PLPPR1: variants seen among roughly 807,000 people sequenced by gnomAD.
The protein encoded by PLPPR1 is phospholipid phosphatase related 1.
A neutral mutation model predicts 33.1 loss-of-function variants in PLPPR1; 10 were observed. That is an observed-to-expected ratio of 0.30 (90% CI 0.19 to 0.51). The LOEUF is 0.51. Ranked by LOEUF, PLPPR1 falls within the 20% of genes least tolerant of loss-of-function variation. PLPPR1 has a pLI of 0.97. For missense variants in PLPPR1, 304 were observed against 408.1 expected (o/e 0.74, Z 2.20); for synonymous variants, 151 against 151.0 (o/e 1.00, Z 0.00).
chr9:101,131,902 CTG>C (rs1177754483), intron 1 of PLPPR1, among the ~76,000 whole-genome samples: 2 of 152,202 alleles, frequency 1.3e-5, no homozygotes, highest in African/African-American at 4.8e-5. Context: ...GTTTCCCTAT[CTG>C]TGAAATGGTG....
intron 1 of PLPPR1, among the ~76,000 whole-genome samples, chr9:101,034,696 G>T (rs1431609407): frequency 2.0e-5 from 3 of 152,154 alleles, no homozygotes; most frequent in Admixed American, 2.0e-4. Flanking sequence ...GTCGGACAGA[G>T]TAAGTACCTA....
chr9:101,174,266 T>C (rs1036981073), intron 1 of PLPPR1, among the ~76,000 whole-genome samples: 1 of 152,246 alleles, frequency 6.6e-6, no homozygotes, highest in Admixed American at 6.5e-5. Context: ...TGTTGTTGCC[T>C]AGCTTTTTAG....
chr9:101,146,989 T>C (rs1467332219), intron 1 of PLPPR1, among the ~76,000 whole-genome samples: 1 of 152,206 alleles, frequency 6.6e-6, no homozygotes, highest in Non-Finnish European at 1.5e-5. Context: ...TTGGGTGAAA[T>C]GTCGCTATGA....
chr9:101,289,558 G>C (rs979589750), intron 4 of PLPPR1, among the ~76,000 whole-genome samples: 3 of 152,240 alleles, frequency 2.0e-5, no homozygotes, highest in Admixed American at 1.3e-4. Context: ...CCTGGTAGGA[G>C]ATAACTTGAA....
intron 2 of PLPPR1, among the ~76,000 whole-genome samples, chr9:101,228,613 A>G (rs1256805932): frequency 6.6e-6 from 1 of 152,166 alleles, no homozygotes; most frequent in Non-Finnish European, 1.5e-5. Context: ...AAATTTAAAC[A>G]AAAGAAAAAA....
intron 1 of PLPPR1, chr9:101,126,004 A>G (rs1470624146): frequency 1.7e-5 from 4 of 229,096 alleles, no homozygotes; most frequent in African/African-American, 9.1e-5. Context: ...TACTTGTCCT[A>G]TGCAAAGCAG....
chr9:101,091,978 C>T lies in PLPPR1; in HGVS notation c.-46+62876C>T, dbSNP rs1035708436. Among the ~76,000 whole-genome samples the T allele has an allele frequency of 4.6e-5, 7 of 152,204 alleles. No individual in the cohort carries two copies. In the South Asian group the frequency reaches 1.2e-3, roughly 27 times the overall value. Reference sequence around the variant, plus strand: ...GCCTCCTTCCCTCTGCACTTCTTAACGTGAAGCATGGGTCCCCTCTTGATG... The same window carrying T: ...GCCTCCTTCCCTCTGCACTTCTTAATGTGAAGCATGGGTCCCCTCTTGATG... On this transcript the variant is annotated intron_variant, in intron 1 of 7. Coordinates refer to ENST00000374874, the MANE Select transcript of PLPPR1 (RefSeq NM_207299.2).
intron 1 of PLPPR1, among the ~76,000 whole-genome samples, chr9:101,141,062 A>ATAAT (rs995369345): frequency 6.7e-6 from 1 of 148,248 alleles, no homozygotes; most frequent in Non-Finnish European, 1.5e-5. Context: ...ACATTTCTGT[A>ATAAT]TAATTTAACT....
intron 2 of PLPPR1, among the ~76,000 whole-genome samples, chr9:101,215,920 T>C (rs774310678): frequency 3.9e-5 from 6 of 152,226 alleles, no homozygotes; most frequent in Non-Finnish European, 5.9e-5. Context: ...TTCCAAATCT[T>C]GGCTATTGTG....
chr9:101,069,586 T>C (rs1469266907), intron 1 of PLPPR1, among the ~76,000 whole-genome samples: 1 of 152,128 alleles, frequency 6.6e-6, no homozygotes. Flanking sequence ...AATAAACTTA[T>C]ACCTGAATCC....
At chr9:101,313,810 A>G (rs1382609271) in intron 6 of PLPPR1, among the ~76,000 whole-genome samples, 1 of 152,224 alleles carries the variant, frequency 6.6e-6, no homozygotes, top group African/African-American at 2.4e-5. Flanking sequence ...TTGGCATACA[A>G]CTTTCTCACC....
chr9:101,161,903 A>AT (rs1371795995), intron 1 of PLPPR1, among the ~76,000 whole-genome samples: 1 of 151,974 alleles, frequency 6.6e-6, no homozygotes, highest in South Asian at 2.1e-4. Flanking sequence ...ATATTTCAAT[A>AT]TTTTTTTCTC....
At chr9:101,298,125 G>A (rs1828682352) in intron 4 of PLPPR1, among the ~76,000 whole-genome samples, 1 of 152,124 alleles carries the variant, frequency 6.6e-6, no homozygotes, top group African/African-American at 2.4e-5. Flanking sequence ...TTCCCTTCCT[G>A]AATAGTTGCT....
At chr9:101,260,449 A>G (rs1393439105) in intron 2 of PLPPR1, among the ~76,000 whole-genome samples, 1 of 152,174 alleles carries the variant, frequency 6.6e-6, no homozygotes, top group African/African-American at 2.4e-5. Flanking sequence ...GGCAGTTTGC[A>G]TAAATGAGAT....
intron 2 of PLPPR1, among the ~76,000 whole-genome samples, chr9:101,265,119 T>C (rs1394875833): frequency 6.6e-6 from 1 of 152,180 alleles, no homozygotes; most frequent in East Asian, 1.9e-4. Flanking sequence ...CAATTATTGC[T>C]CTTCTTGACA....
At chr9:101,277,242 G>C (rs1363458354) in intron 3 of PLPPR1, among the ~76,000 whole-genome samples, 2 of 152,190 alleles carry the variant, frequency 1.3e-5, no homozygotes, top group African/African-American at 2.4e-5. Flanking sequence ...AAACTACTTA[G>C]AGACTAATAT....
intron 2 of PLPPR1, among the ~76,000 whole-genome samples, chr9:101,217,981 T>C (rs1008578211): frequency 6.6e-6 from 1 of 152,168 alleles, no homozygotes; most frequent in African/African-American, 2.4e-5. Flanking sequence ...CACTTACCCT[T>C]TGACTCAGTA....
rs149779160 is a variant in PLPPR1 at position 101,127,073 on chromosome 9, T to C, written c.-45-58377T>C. Among the ~76,000 whole-genome samples, 686 of 152,314 alleles carry C rather than the reference T, an allele frequency of 4.5e-3. 9 individuals are homozygous for C. Among genetic ancestry groups the C allele is most frequent in the African/African-American group, 0.016 (662 of 41,582 alleles). On this transcript the variant is annotated intron_variant, in intron 1 of 7. Coordinates refer to ENST00000374874, the MANE Select transcript of PLPPR1 (RefSeq NM_207299.2). ...AGTACTAACTTTCACTCCCCCTCTTTGTAATAAATGCCTTAAGAAAAATAA... is the reference window on the plus strand; with the variant it reads ...AGTACTAACTTTCACTCCCCCTCTTCGTAATAAATGCCTTAAGAAAAATAA...
intron 1 of PLPPR1, chr9:101,126,025 A>AT (rs1831242612): frequency 4.8e-6 from 1 of 208,470 alleles, no homozygotes; most frequent in South Asian, 1.7e-4. Context: ...CCCATGATTT[A>AT]TTTTTTCTGG....
Sources: allele counts gnomAD v4.1 joint callset (sites outside exome capture counted in the v4.1 genomes callset), GRCh38; gene constraint gnomAD v4.1.1; transcripts MANE v1.5; gene names NCBI Gene and HGNC (gene_info 2026-07-23, HGNC 2026-07-21).